Variants in CNTN5 observed in about 807,000 individuals in gnomAD.
The protein encoded by CNTN5 is contactin 5.
Under a neutral mutation model 129.1 loss-of-function variants are expected in CNTN5, and 77 were observed. The observed-to-expected ratio is 0.60, with a 90% CI of 0.50 to 0.72. CNTN5 has a LOEUF of 0.72. Among genes scored for constraint, CNTN5 ranks in the 30% least tolerant of loss-of-function variants. CNTN5 has a pLI of 0.00. For synonymous variants in CNTN5, 509 were observed against 465.6 expected (o/e 1.09, Z -1.20); for missense variants, 1,478 against 1,328.8 (o/e 1.11, Z -1.75).
intron 3 of CNTN5, among the ~76,000 whole-genome samples, chr11:99,754,262 C>A (rs903651563): frequency 6.6e-6 from 1 of 152,154 alleles, no homozygotes; most frequent in African/African-American, 2.4e-5. Context: ...CTTAACAGTT[C>A]ATGAATACAA....
chr11:100,279,910 C>CTTTTTTT (rs58391412), intron 18 of CNTN5, among the ~76,000 whole-genome samples: 3 of 114,716 alleles, frequency 2.6e-5, no homozygotes, highest in African/African-American at 9.9e-5. Flanking sequence ...TTTTCTTTTT[C>CTTTTTTT]TTTTTTTTTT....
chr11:99,426,377 CT>C (rs1307160800), intron 2 of CNTN5, among the ~76,000 whole-genome samples: 2 of 152,178 alleles, frequency 1.3e-5, no homozygotes, highest in Non-Finnish European at 2.9e-5. Context: ...AACTCTGACT[CT>C]TTTAGAAAGG....
chr11:99,668,354 A>G (rs1201418734), intron 3 of CNTN5, among the ~76,000 whole-genome samples: 1 of 152,122 alleles, frequency 6.6e-6, no homozygotes, highest in Admixed American at 6.6e-5. Context: ...AGACAGCAGC[A>G]AAGAGGGACT....
chr11:99,664,964 T>A (rs77120983), intron 3 of CNTN5, among the ~76,000 whole-genome samples: 1,637 of 152,270 alleles, frequency 0.011, 36 homozygotes, highest in African/African-American at 0.036. Flanking sequence ...TAAAGCTGCT[T>A]TATCAGGACA....
intron 1 of CNTN5, among the ~76,000 whole-genome samples, chr11:99,146,419 T>C (rs1192470113): frequency 1.3e-5 from 2 of 152,276 alleles, no homozygotes; most frequent in South Asian, 2.1e-4. Flanking sequence ...GCATAATCCT[T>C]AAAAGTTTGA....
intron 15 of CNTN5, among the ~76,000 whole-genome samples, chr11:100,198,120 C>G (rs900306340): frequency 6.6e-6 from 1 of 151,884 alleles, no homozygotes; most frequent in African/African-American, 2.4e-5. Flanking sequence ...TCACTGACCA[C>G]TTCTTATGTG....
At chr11:99,215,439 A>G (rs1184572446) in intron 1 of CNTN5, among the ~76,000 whole-genome samples, 5 of 152,140 alleles carry the variant, frequency 3.3e-5, no homozygotes, top group African/African-American at 1.2e-4. Flanking sequence ...AGTAAAGTTC[A>G]TAAGACCTCC....
intron 4 of CNTN5, among the ~76,000 whole-genome samples, chr11:99,841,846 A>G (rs1405483298): frequency 6.9e-6 from 1 of 145,692 alleles, no homozygotes; most frequent in Non-Finnish European, 1.5e-5. Flanking sequence ...ACACACACAC[A>G]CACACATATA....
At chr11:100,079,065 A>G (rs956955477) in intron 13 of CNTN5, among the ~76,000 whole-genome samples, 1 of 151,914 alleles carries the variant, frequency 6.6e-6, no homozygotes, top group East Asian at 1.9e-4. Context: ...TTATAAAACC[A>G]TCAGATCTAT....
rs536941496 is a variant in CNTN5 at position 99,924,241 on chromosome 11, G to A, written c.673+8092G>A. Among the ~76,000 whole-genome samples, 3 of 152,268 alleles carry A rather than the reference G, an allele frequency of 2.0e-5. No homozygotes were observed. In the South Asian group the frequency reaches 6.2e-4, roughly 32 times the overall value. On this transcript the variant is annotated intron_variant, in intron 7 of 24. Transcript: ENST00000524871. ...CTGCTTGTATGTTTTCTTTTGAGAA[G>A]TGTCTGTTCATATCCTTTGCTTACT...
In CNTN5 at chr11:99,559,307, A is replaced by G. The variant is rs980575843; in HGVS notation, c.55+3038A>G. On this transcript the variant is annotated intron_variant, in intron 3 of 24. Coordinates refer to ENST00000524871, the MANE Select transcript of CNTN5 (RefSeq NM_014361.4). ...CTGAAGAATACCCTGATTGTATTCC[A>G]TATTTCCTTTATTTATTCAGTTTTT... Among the ~76,000 whole-genome samples, 7 of 152,106 alleles carry G rather than the reference A, an allele frequency of 4.6e-5. No individual in the cohort carries two copies. The East Asian group carries it at 5.8e-4, about 13-fold the overall frequency.
chr11:100,138,315 T>C (rs1271638075), intron 13 of CNTN5, among the ~76,000 whole-genome samples: 1 of 151,918 alleles, frequency 6.6e-6, no homozygotes, highest in Non-Finnish European at 1.5e-5. Flanking sequence ...TAAATACTCA[T>C]GGAGTACCTA....
chr11:100,272,892 T>G (rs999308814), intron 18 of CNTN5, among the ~76,000 whole-genome samples: 1 of 151,896 alleles, frequency 6.6e-6, no homozygotes, highest in Non-Finnish European at 1.5e-5. Context: ...ACAGAAGTGG[T>G]AGGAGCTGCA....
intron 6 of CNTN5, among the ~76,000 whole-genome samples, chr11:99,863,435 C>A (rs79597718): frequency 0.013 from 2,017 of 151,228 alleles, 47 homozygotes; most frequent in African/African-American, 0.046. Flanking sequence ...TAATAGAGCA[C>A]GGTTGTATAT....
intron 3 of CNTN5, among the ~76,000 whole-genome samples, chr11:99,582,937 T>A (rs539535571): frequency 3.9e-5 from 6 of 152,354 alleles, no homozygotes; most frequent in Middle Eastern, 3.4e-3. Context: ...GCTTTGTTTT[T>A]TCCCCATCTT....
At chr11:99,292,531 C>G (rs1194553184) in intron 1 of CNTN5, among the ~76,000 whole-genome samples, 1 of 152,118 alleles carries the variant, frequency 6.6e-6, no homozygotes, top group East Asian at 1.9e-4. Context: ...TGAAAGTGGG[C>G]ATCCTTGTCT....
chr11:99,090,610 TTA>T (rs1242771161), intron 1 of CNTN5, among the ~76,000 whole-genome samples: 3 of 151,564 alleles, frequency 2.0e-5, no homozygotes, highest in African/African-American at 7.3e-5. Flanking sequence ...ATTAAGGATC[TTA>T]GTTATAAGGG....
intron 13 of CNTN5, among the ~76,000 whole-genome samples, chr11:100,077,323 C>A (rs1183543875): frequency 6.6e-6 from 1 of 152,172 alleles, no homozygotes; most frequent in African/African-American, 2.4e-5. Flanking sequence ...CTCATATGAT[C>A]TACATCAAAT....
At chr11:99,782,954 C>T (rs1169741836) in intron 3 of CNTN5, among the ~76,000 whole-genome samples, 2 of 151,738 alleles carry the variant, frequency 1.3e-5, no homozygotes, top group African/African-American at 2.4e-5. Context: ...AAAGCAATGG[C>T]AACAAAAGAC....
Sources: gnomAD v4.1 joint callset for allele counts (sites outside exome capture counted in the v4.1 genomes callset) on GRCh38, gnomAD v4.1.1 for gene constraint, MANE v1.5 for transcripts, NCBI Gene and HGNC (gene_info 2026-07-23, HGNC 2026-07-21) for gene names.